Variants in ZNF334 observed in about 807,000 individuals in gnomAD.
ZNF334 encodes the protein zinc finger protein 334.
Under a neutral mutation model 12.4 loss-of-function variants are expected in ZNF334, and 14 were observed. That is an observed-to-expected ratio of 1.13 (90% CI 0.74 to 1.76). The LOEUF (loss-of-function observed/expected upper bound fraction) is 1.76, where lower values mean the gene tolerates loss of function less well. Among genes scored for constraint, ZNF334 ranks in the 40% most tolerant of loss-of-function variants. The probability of loss-of-function intolerance (pLI) is 0.00; values close to 1 mark genes in which losing one functional copy is unlikely to be tolerated. For synonymous variants in ZNF334, 273 were observed against 269.6 expected (o/e 1.01, Z -0.12); for missense variants, 797 against 804.5 (o/e 0.99, Z 0.11).
At chr20:46,485,900 A>C in the ZNF334 span, among the ~76,000 whole-genome samples, 14 of 152,254 alleles carry the variant, frequency 9.2e-5, no homozygotes, top group African/African-American at 3.1e-4. Flanking sequence ...CTACCCCCAA[A>C]ATACTTCTTT....
chr20:46,486,001 G>C, the ZNF334 span, among the ~76,000 whole-genome samples: 2 of 151,924 alleles, frequency 1.3e-5, no homozygotes, highest in African/African-American at 2.4e-5. Flanking sequence ...GATGTTTTTC[G>C]GATCTCTCCA....
chr20:46,493,917 G>A, the ZNF334 span, among the ~76,000 whole-genome samples: 13 of 152,238 alleles, frequency 8.5e-5, no homozygotes, highest in African/African-American at 3.1e-4. Flanking sequence ...GTGACAGAGC[G>A]AGACTGTCTC....
intron 2 of ZNF334, chr20:46,505,307 A>C (rs1022418410): frequency 2.0e-5 from 3 of 152,258 alleles, no homozygotes; most frequent in African/African-American, 7.2e-5. Flanking sequence ...TCTTTTCTCT[A>C]ATTAGTAGTC....
At chr20:46,488,444 A>ATATATATATATAT in the ZNF334 span, among the ~76,000 whole-genome samples, 63 of 84,190 alleles carry the variant, frequency 7.5e-4, 1 homozygote, top group African/African-American at 4.0e-3. Context: ...TATATATATA[A>ATATATATATATAT]ATACCATAAT....
chr20:46,470,431 T>G, the ZNF334 span, among the ~76,000 whole-genome samples: 1 of 152,272 alleles, frequency 6.6e-6, no homozygotes, highest in East Asian at 1.9e-4. Flanking sequence ...TACCCTGAGA[T>G]GTGAGGCTTT....
chr20:46,470,815 T>C, the ZNF334 span, among the ~76,000 whole-genome samples: 1 of 152,218 alleles, frequency 6.6e-6, no homozygotes, highest in African/African-American at 2.4e-5. Flanking sequence ...TACTGTACAA[T>C]ATTTCAGTAT....
chr20:46,499,256 A>G (rs1303423259), downstream of ZNF334, among the ~76,000 whole-genome samples: 1 of 151,716 alleles, frequency 6.6e-6, no homozygotes, highest in Non-Finnish European at 1.5e-5. Flanking sequence ...GAAGCTAGGG[A>G]AGAGGCCTGG....
chr20:46,487,517 G>C, the ZNF334 span, among the ~76,000 whole-genome samples: 2 of 151,994 alleles, frequency 1.3e-5, no homozygotes, highest in East Asian at 1.9e-4. Flanking sequence ...CATCATAGTG[G>C]GTTCTTTTAT....
the ZNF334 span, among the ~76,000 whole-genome samples, chr20:46,469,329 G>C: frequency 6.6e-6 from 1 of 151,526 alleles, no homozygotes. Flanking sequence ...ACGGTAGCAG[G>C]ACACCTTTAG....
intron 2 of ZNF334, among the ~76,000 whole-genome samples, chr20:46,510,488 G>A (rs987716867): frequency 1.3e-5 from 2 of 152,198 alleles, no homozygotes; most frequent in African/African-American, 4.8e-5. Context: ...CACTTAGTGA[G>A]GCCGAGGCAG....
At chr20:46,487,262 T>A in the ZNF334 span, among the ~76,000 whole-genome samples, 1 of 152,218 alleles carries the variant, frequency 6.6e-6, no homozygotes, top group Non-Finnish European at 1.5e-5. Context: ...TCTATATTTG[T>A]ATATGGCATA....
At chr20:46,468,430 A>G in the ZNF334 span, among the ~76,000 whole-genome samples, 1 of 150,108 alleles carries the variant, frequency 6.7e-6, no homozygotes, top group African/African-American at 2.5e-5. Flanking sequence ...ACCCGCCATC[A>G]TGACTGGCTA....
the ZNF334 span, among the ~76,000 whole-genome samples, chr20:46,472,392 T>C: frequency 6.6e-6 from 1 of 152,140 alleles, no homozygotes; most frequent in African/African-American, 2.4e-5. Context: ...TGATGTGTAG[T>C]AGAGAAAAAC....
the ZNF334 span, among the ~76,000 whole-genome samples, chr20:46,472,552 A>G: frequency 6.6e-6 from 1 of 152,352 alleles, no homozygotes; most frequent in Admixed American, 6.5e-5. Context: ...AGGGTCTCCC[A>G]GGCAGAGAAA....
At chr20:46,496,979 C>T (rs1344125135), downstream of ZNF334, among the ~76,000 whole-genome samples, 11 of 152,206 alleles carry the variant, frequency 7.2e-5, 1 homozygote, top group Admixed American at 6.5e-4. Flanking sequence ...CCAGCATCAG[C>T]CATGAGGACA....
downstream of ZNF334, among the ~76,000 whole-genome samples, chr20:46,497,200 G>C (rs1196556059): frequency 6.6e-6 from 1 of 152,194 alleles, no homozygotes. Flanking sequence ...GACCTCAGCT[G>C]ATGCAGTTCA....
At chr20:46,468,457 G>A in the ZNF334 span, among the ~76,000 whole-genome samples, 1 of 134,284 alleles carries the variant, frequency 7.4e-6, no homozygotes, top group Non-Finnish European at 1.6e-5. Context: ...TTTTTTTTTT[G>A]GTATTTTTGT....
chr20:46,504,415 T>G (rs2061360614), intron 3 of ZNF334, 109 bp from the exon 4 acceptor site: 1 of 1,164,836 alleles, frequency 8.6e-7, no homozygotes. Context: ...TGCCCAGCAA[T>G]AGCTCAGTAA....
At chr20:46,470,169 G>C in the ZNF334 span, among the ~76,000 whole-genome samples, 1 of 152,212 alleles carries the variant, frequency 6.6e-6, no homozygotes, top group African/African-American at 2.4e-5. Context: ...GGGACAGTGA[G>C]TTTTTCAAGG....
Sources: allele counts gnomAD v4.1 joint callset (sites outside exome capture counted in the v4.1 genomes callset), GRCh38; gene constraint gnomAD v4.1.1; transcripts MANE v1.5; gene names NCBI Gene and HGNC (gene_info 2026-07-23, HGNC 2026-07-21).